The following ERAP1 variants were observed in gnomAD, a reference collection of about 807,000 sequenced individuals.
ERAP1 encodes the protein adipocyte-derived leucine aminopeptidase.
Under a neutral mutation model 103.7 loss-of-function variants are expected in ERAP1, and 86 were observed. That is an observed-to-expected ratio of 0.83 (90% CI 0.70 to 0.99). The LOEUF (loss-of-function observed/expected upper bound fraction) is 0.99. Among genes scored for constraint, ERAP1 ranks in the 50% least tolerant of loss-of-function variants. The probability of loss-of-function intolerance (pLI) is 0.00; values close to 1 mark genes in which losing one functional copy is unlikely to be tolerated. For missense variants in ERAP1, 1,009 were observed against 1,128.4 expected, an observed-to-expected ratio of 0.89 and a Z score of 1.52; for synonymous variants, 398 against 402.4, an observed-to-expected ratio of 0.99 and a Z score of 0.13.
chr5:96,810,567 G>A (rs549656778), upstream of ERAP1, among the ~76,000 whole-genome samples: 72 of 152,294 alleles, frequency 4.7e-4, 1 homozygote, highest in South Asian at 9.3e-3. Flanking sequence ...GAACAAGGAG[G>A]GGTTGGTAAA....
At chr5:96,869,019 C>T in the ERAP1 span, among the ~76,000 whole-genome samples, 1 of 151,872 alleles carries the variant, frequency 6.6e-6, no homozygotes, top group Admixed American at 6.6e-5. Context: ...TGTGTTTGCA[C>T]AGTGTTAGCT....
chr5:96,918,641 T>G, the ERAP1 span: 1 of 152,206 alleles, frequency 6.6e-6, no homozygotes, highest in Non-Finnish European at 1.5e-5. Context: ...AAGCCTTACA[T>G]TCATGAAGTA....
the ERAP1 span, among the ~76,000 whole-genome samples, chr5:96,876,795 C>A: frequency 1.3e-5 from 2 of 151,746 alleles, no homozygotes; most frequent in Non-Finnish European, 2.9e-5. Flanking sequence ...CTCTTCAATC[C>A]CAGGATGTTT....
chr5:96,836,176 G>GTTTT, the ERAP1 span, among the ~76,000 whole-genome samples: 1,918 of 106,492 alleles, frequency 0.018, 54 homozygotes, highest in Non-Finnish European at 0.025. Context: ...CACCTCTTTG[G>GTTTT]TTTTTTTTTT....
the ERAP1 span, among the ~76,000 whole-genome samples, chr5:96,851,590 C>T: frequency 6.6e-6 from 1 of 152,142 alleles, no homozygotes; most frequent in Non-Finnish European, 1.5e-5. Flanking sequence ...GGTTTGCACC[C>T]AAACAACCTA....
At chr5:96,837,070 A>G in the ERAP1 span, among the ~76,000 whole-genome samples, 4 of 152,194 alleles carry the variant, frequency 2.6e-5, no homozygotes, top group African/African-American at 9.7e-5. Context: ...TGAATTGGAG[A>G]GGAAGGAGGA....
chr5:96,785,586 C>A, intron 13 of ERAP1: 1 of 602,726 alleles, frequency 1.7e-6, no homozygotes, highest in Non-Finnish European at 3.0e-6. Flanking sequence ...GATACAGATT[C>A]CTTCCTTCAA....
chr5:96,875,181 A>G, the ERAP1 span, among the ~76,000 whole-genome samples: 1 of 152,246 alleles, frequency 6.6e-6, no homozygotes, highest in African/African-American at 2.4e-5. Context: ...AAGGATGAGG[A>G]CCTGGACTAC....
At chr5:96,807,242 G>A (rs182416321) in intron 1 of ERAP1, among the ~76,000 whole-genome samples, 25 of 152,210 alleles carry the variant, frequency 1.6e-4, no homozygotes, top group African/African-American at 5.1e-4. Context: ...GAGCCAGAGC[G>A]AAGGGGAGAG....
At chr5:96,846,976 C>T in the ERAP1 span, among the ~76,000 whole-genome samples, 6 of 148,130 alleles carry the variant, frequency 4.1e-5, no homozygotes, top group East Asian at 5.8e-4. Flanking sequence ...TGCGGTGGTT[C>T]ATACCTGTAA....
At chr5:96,838,387 C>G in the ERAP1 span, among the ~76,000 whole-genome samples, 5 of 152,284 alleles carry the variant, frequency 3.3e-5, no homozygotes, top group Non-Finnish European at 4.4e-5. Context: ...CCAAAGTCTA[C>G]ATTGGAAAAT....
the ERAP1 span, among the ~76,000 whole-genome samples, chr5:96,902,063 A>G: frequency 6.6e-6 from 1 of 152,222 alleles, no homozygotes; most frequent in African/African-American, 2.4e-5. Context: ...AACTAGGTAG[A>G]TATGGCTGCT....
At chr5:96,840,029 T>A in the ERAP1 span, among the ~76,000 whole-genome samples, 1 of 152,230 alleles carries the variant, frequency 6.6e-6, no homozygotes. Flanking sequence ...GGAAACTCAA[T>A]AATCTCAGGT....
chr5:96,871,246 G>C, the ERAP1 span, among the ~76,000 whole-genome samples: 1 of 152,202 alleles, frequency 6.6e-6, no homozygotes, highest in African/African-American at 2.4e-5. Context: ...AAGGCAGAAA[G>C]CTGGGAAAAT....
At chr5:96,883,997 T>A in the ERAP1 span, 81 of 1,449,344 alleles carry the variant, frequency 5.6e-5, no homozygotes, top group African/African-American at 8.2e-4. Flanking sequence ...GTTTGTTTTT[T>A]AAAATTGCTT....
chr5:96,844,465 A>T, the ERAP1 span, among the ~76,000 whole-genome samples: 3 of 152,188 alleles, frequency 2.0e-5, no homozygotes, highest in African/African-American at 7.2e-5. Flanking sequence ...TTTTTTGCTT[A>T]AGCCAGTCAC....
chr5:96,889,541 C>A, the ERAP1 span: 2 of 689,864 alleles, frequency 2.9e-6, no homozygotes, highest in South Asian at 3.4e-5. Flanking sequence ...GTTAACATAT[C>A]TGCATCGAAC....
intron 7 of ERAP1, among the ~76,000 whole-genome samples, chr5:96,793,178 C>T (rs912778566): frequency 3.3e-5 from 5 of 152,174 alleles, no homozygotes; most frequent in African/African-American, 1.2e-4. Context: ...GGACAATTTA[C>T]AAACAATCAT....
At chr5:96,864,637 T>C in the ERAP1 span, among the ~76,000 whole-genome samples, 4 of 152,186 alleles carry the variant, frequency 2.6e-5, no homozygotes, top group Non-Finnish European at 5.9e-5. Flanking sequence ...GCCAATTGAT[T>C]GTACAAGAAA....
Sources: allele counts gnomAD v4.1 joint callset (sites outside exome capture counted in the v4.1 genomes callset), GRCh38; gene constraint gnomAD v4.1.1; transcripts MANE v1.5; gene names NCBI Gene and HGNC (gene_info 2026-07-23, HGNC 2026-07-21).